The following SPINK8 variants were observed in gnomAD, a reference collection of about 807,000 sequenced individuals.
The protein encoded by SPINK8 is serine peptidase inhibitor Kazal type 8 (putative).
In SPINK8, 12 loss-of-function variants were observed where a neutral mutation model predicts 14.4. The ratio of observed to expected loss-of-function variants is 0.83; its 90% CI spans 0.53 to 1.35. The LOEUF (loss-of-function observed/expected upper bound fraction) is 1.35. Ranked by LOEUF, SPINK8 falls within the 40% of genes most tolerant of loss-of-function variation. The probability of loss-of-function intolerance (pLI) is 0.00; values close to 1 mark genes in which losing one functional copy is unlikely to be tolerated. For synonymous variants in SPINK8, 32 were observed against 37.6 expected (o/e 0.85, Z 0.55); for missense variants, 103 against 117.0 (o/e 0.88, Z 0.55).
intron 5 of SPINK8, 50 bp downstream of exon 5, chr3:48,320,975 C>T (rs1177351005): frequency 6.4e-7 from 1 of 1,555,004 alleles, no homozygotes; most frequent in Admixed American, 1.9e-5. Context: ...TTTGGGCAAA[C>T]TGGCTCTCTC....
At chr3:48,307,450 T>C (rs2035864069) in intron 7 of SPINK8, among the ~76,000 whole-genome samples, 1 of 151,022 alleles carries the variant, frequency 6.6e-6, no homozygotes, top group Admixed American at 6.6e-5. Context: ...CCACTTCCTC[T>C]TCCTCCCTAT....
At chr3:48,333,047 C>T (rs944315017) in intron 1 of SPINK8, among the ~76,000 whole-genome samples, 23 of 150,430 alleles carry the variant, frequency 1.5e-4, no homozygotes, top group African/African-American at 4.7e-4. Context: ...GGGAAGGAGC[C>T]GGGGGAACGC....
At chr3:48,317,915 A>T (rs966282948) in intron 6 of SPINK8, among the ~76,000 whole-genome samples, 1 of 150,960 alleles carries the variant, frequency 6.6e-6, no homozygotes, top group Non-Finnish European at 1.5e-5. Context: ...TAATTTTTTA[A>T]TTTTTTTTTG....
At chr3:48,317,464 C>T (rs556972738) in intron 6 of SPINK8, among the ~76,000 whole-genome samples, 32 of 151,600 alleles carry the variant, frequency 2.1e-4, no homozygotes, top group Admixed American at 3.9e-4. Context: ...CTCCAGCATG[C>T]GCAACAAAAG....
At chr3:48,324,261 T>C (rs1161248907) in intron 4 of SPINK8, among the ~76,000 whole-genome samples, 1 of 152,130 alleles carries the variant, frequency 6.6e-6, no homozygotes, top group Non-Finnish European at 1.5e-5. Flanking sequence ...GTAAGTGAAA[T>C]TGTTTTCTTA....
chr3:48,321,061 A>T lies in SPINK8; in HGVS notation c.81T>A (p.Pro27=), dbSNP rs1419495555. The T allele has an allele frequency of 1.3e-6, 2 of 1,585,638 alleles. No homozygotes were observed. The highest frequency in any genetic ancestry group is 3.6e-5 in the Admixed American group (2 of 56,046). The change falls in exon 5 of 8, where the codon CCT becomes CCA. Residue 27 remains proline (P), a synonymous_variant. Coordinates refer to ENST00000434006, the MANE Select transcript of SPINK8 (RefSeq NM_001080525.3). The part of the protein sequence containing the change: ...WMAFAIDFPL[P]MASERGQLDK... ...CTAGCTGACCTCTTTCAGAGGCCAT[A>T]GGAAGGGGGAAGTCTGGAAGACAAA... is the stretch of plus-strand genomic sequence containing the variant.
intron 6 of SPINK8, among the ~76,000 whole-genome samples, chr3:48,318,443 A>G (rs2036024086): frequency 6.6e-6 from 1 of 152,150 alleles, no homozygotes. Context: ...GCCCAGCTAG[A>G]ATAATTTCTA....
At chr3:48,316,110 G>A (rs74735576) in intron 6 of SPINK8, among the ~76,000 whole-genome samples, 2,420 of 152,266 alleles carry the variant, frequency 0.016, 70 homozygotes, top group Non-Finnish European at 0.014. Flanking sequence ...TAGCCACAGA[G>A]AAGTGTGGGA....
Position 48,322,916 on chromosome 3 carries a change from C to T in SPINK8, c.68-1842G>A, listed in dbSNP as rs2036094172. Among the ~76,000 whole-genome samples the T allele has an allele frequency of 3.9e-5, 6 of 152,064 alleles. No individual in the cohort carries two copies. The South Asian group carries it at 1.2e-3, about 32-fold the overall frequency. ...ATTTATGCACACATTTTTGTGTGGG[C>T]ATGTGTTTTTATTTCCCTTAAGTAT... On this transcript the variant is annotated intron_variant, in intron 4 of 7. Transcript: ENST00000434006.
At chr3:48,307,743 G>A (rs894787132) in intron 7 of SPINK8, among the ~76,000 whole-genome samples, 1 of 151,858 alleles carries the variant, frequency 6.6e-6, no homozygotes. Context: ...CATCTCATTT[G>A]AGTTTCATGA....
At chr3:48,314,380 T>C (rs1024822916) in intron 6 of SPINK8, among the ~76,000 whole-genome samples, 11 of 152,226 alleles carry the variant, frequency 7.2e-5, no homozygotes, top group East Asian at 1.9e-4. Flanking sequence ...GGAACATCTA[T>C]TGAAGAAAAA....
intron 6 of SPINK8, 62 bp downstream of exon 6, chr3:48,319,435 C>T: frequency 6.3e-7 from 1 of 1,596,966 alleles, no homozygotes; most frequent in Non-Finnish European, 8.6e-7. Flanking sequence ...AGGTCATCAC[C>T]CTCTTTTGAC....
intron 6 of SPINK8, among the ~76,000 whole-genome samples, chr3:48,318,791 C>T (rs2036028987): frequency 1.3e-5 from 2 of 152,208 alleles, no homozygotes; most frequent in African/African-American, 4.8e-5. Flanking sequence ...CTGATCTACT[C>T]TTGTGTTTTT....
At chr3:48,316,652 A>G (rs1575342856) in intron 6 of SPINK8, among the ~76,000 whole-genome samples, 1 of 152,144 alleles carries the variant, frequency 6.6e-6, no homozygotes, top group East Asian at 1.9e-4. Flanking sequence ...GTGTGCCTGT[A>G]GTCCTAGCTA....
chr3:48,321,034 G>A lies in SPINK8; in HGVS notation c.108C>T (p.Asp36=), dbSNP rs1377234403. ...LPMASERGQL[D]KTIVECLKNV... is the part of the protein sequence containing the mutation. ...AGGAAGCAGTACTCACTATTGTTTT[G>A]TCTAGCTGACCTCTTTCAGAGGCCA... The change falls in exon 5 of 8, where the codon GAC becomes GAT. Residue 36 remains aspartate (D), a synonymous_variant. Coordinates refer to ENST00000434006, the MANE Select transcript of SPINK8 (RefSeq NM_001080525.3). 1 of 1,590,396 alleles carries A rather than the reference G, an allele frequency of 6.3e-7. No individual in the cohort carries two copies. The highest frequency in any genetic ancestry group is 2.3e-5 in the East Asian group (1 of 44,316).
intron 2 of SPINK8, among the ~76,000 whole-genome samples, chr3:48,330,781 C>A (rs577174991): frequency 6.6e-6 from 1 of 150,912 alleles, no homozygotes; most frequent in African/African-American, 2.4e-5. Context: ...AACGTGGGTG[C>A]GTTCACCTTC....
chr3:48,331,794 C>T (rs191537578), intron 2 of SPINK8, among the ~76,000 whole-genome samples: 19 of 152,286 alleles, frequency 1.2e-4, no homozygotes, highest in African/African-American at 1.2e-4. Flanking sequence ...TAGGACCCCT[C>T]GGATAGTGAC....
intron 4 of SPINK8, among the ~76,000 whole-genome samples, chr3:48,326,378 C>T (rs1388264182): frequency 1.3e-5 from 2 of 152,162 alleles, no homozygotes; most frequent in Non-Finnish European, 2.9e-5. Context: ...GAGGCCAAGG[C>T]TGGCAGGTCA....
intron 5 of SPINK8, among the ~76,000 whole-genome samples, chr3:48,319,867 G>C (rs2036047649): frequency 6.6e-6 from 1 of 152,130 alleles, no homozygotes; most frequent in Non-Finnish European, 1.5e-5. Flanking sequence ...ATACCGGCCG[G>C]GCGCGGTGGC....
Sources: gnomAD v4.1 joint callset for allele counts (sites outside exome capture counted in the v4.1 genomes callset) on GRCh38, gnomAD v4.1.1 for gene constraint, MANE v1.5 for transcripts, NCBI Gene and HGNC (gene_info 2026-07-23, HGNC 2026-07-21) for gene names.